Variants in NR2F1-AS1 observed in about 807,000 individuals in gnomAD.
NR2F1-AS1 encodes NR2F1 antisense RNA 1.
chr5:93,543,666 A>T (rs1752008538), intron 4 of NR2F1-AS1: 1 of 152,198 alleles, frequency 6.6e-6, no homozygotes. Context: ...AAGCAAACTC[A>T]TATTTTATCA....
intron 4 of NR2F1-AS1, among the ~76,000 whole-genome samples, chr5:93,528,047 G>C (rs1041943403): frequency 1.3e-5 from 2 of 152,156 alleles, no homozygotes; most frequent in Non-Finnish European, 2.9e-5. Flanking sequence ...ACTATCATCA[G>C]AGTTAACAGG....
intron 4 of NR2F1-AS1, among the ~76,000 whole-genome samples, chr5:93,483,168 C>T (rs1000391404): frequency 2.0e-5 from 3 of 152,130 alleles, no homozygotes; most frequent in Non-Finnish European, 4.4e-5. Context: ...TATCTCCCAG[C>T]AAGGGTCGAC....
chr5:93,512,485 T>A (rs1208098599), intron 4 of NR2F1-AS1, among the ~76,000 whole-genome samples: 9 of 152,172 alleles, frequency 5.9e-5, no homozygotes, highest in Non-Finnish European at 1.0e-4. Context: ...GGTTAATTTA[T>A]TTTTGAAGGA....
intron 4 of NR2F1-AS1, among the ~76,000 whole-genome samples, chr5:93,539,240 T>G (rs1205290380): frequency 1.3e-5 from 2 of 152,158 alleles, no homozygotes; most frequent in Admixed American, 1.3e-4. Flanking sequence ...ATTGCGCCTC[T>G]GCACTCCAGC....
At chr5:93,512,757 T>C (rs922296669) in intron 4 of NR2F1-AS1, among the ~76,000 whole-genome samples, 5 of 152,216 alleles carry the variant, frequency 3.3e-5, no homozygotes, top group Admixed American at 6.6e-5. Flanking sequence ...GTTACAAGTG[T>C]CTACAGTACT....
intron 4 of NR2F1-AS1, among the ~76,000 whole-genome samples, chr5:93,537,398 AAAATATTTGCAT>A (rs546339571): frequency 8.7e-4 from 132 of 152,318 alleles, no homozygotes; most frequent in Middle Eastern, 6.8e-3. Flanking sequence ...AGAATAGGAG[AAAATATTTGCAT>A]ATTGTACCTC....
intron 4 of NR2F1-AS1, among the ~76,000 whole-genome samples, chr5:93,550,993 G>A (rs964673551): frequency 2.7e-5 from 4 of 150,664 alleles, no homozygotes; most frequent in African/African-American, 9.7e-5. Flanking sequence ...TTCTTATTTC[G>A]TTATGTGACT....
intron 4 of NR2F1-AS1, among the ~76,000 whole-genome samples, chr5:93,433,308 C>T (rs1259082127): frequency 1.3e-5 from 2 of 152,176 alleles, no homozygotes; most frequent in East Asian, 1.9e-4. Context: ...AATCTATATG[C>T]TATTTACATG....
At chr5:93,511,570 A>G (rs1320866067) in intron 4 of NR2F1-AS1, among the ~76,000 whole-genome samples, 2 of 152,168 alleles carry the variant, frequency 1.3e-5, no homozygotes, top group African/African-American at 2.4e-5. Context: ...AAAAATTCCA[A>G]TTGCCTAGTG....
intron 4 of NR2F1-AS1, among the ~76,000 whole-genome samples, chr5:93,438,115 G>A (rs758783720): frequency 6.6e-6 from 1 of 152,142 alleles, no homozygotes; most frequent in Non-Finnish European, 1.5e-5. Context: ...GAGGACACAG[G>A]TCCACCGTGT....
At chr5:93,480,593 G>A (rs780550656) in intron 4 of NR2F1-AS1, among the ~76,000 whole-genome samples, 1 of 152,072 alleles carries the variant, frequency 6.6e-6, no homozygotes, top group African/African-American at 2.4e-5. Context: ...ATAGGTAAAT[G>A]TAAAACCTAG....
At chr5:93,533,966 C>A (rs1751785112) in intron 4 of NR2F1-AS1, among the ~76,000 whole-genome samples, 1 of 152,060 alleles carries the variant, frequency 6.6e-6, no homozygotes, top group Non-Finnish European at 1.5e-5. Context: ...GTCTGAAATC[C>A]CAGCTACTTG....
At chr5:93,582,387 AAATT>A (rs1179314645), upstream of NR2F1-AS1, among the ~76,000 whole-genome samples, 30 of 152,158 alleles carry the variant, frequency 2.0e-4, no homozygotes, top group African/African-American at 6.8e-4. Context: ...CAATAGCTGC[AAATT>A]CCAGGAGTGT....
chr5:93,491,122 G>C (rs1171133308), intron 4 of NR2F1-AS1, among the ~76,000 whole-genome samples: 1 of 151,640 alleles, frequency 6.6e-6, no homozygotes, highest in African/African-American at 2.4e-5. Context: ...TGAGAGTGGT[G>C]GTGGTGGTAG....
At chr5:93,535,214 T>C (rs1328410506) in intron 4 of NR2F1-AS1, among the ~76,000 whole-genome samples, 1 of 151,658 alleles carries the variant, frequency 6.6e-6, no homozygotes, top group Non-Finnish European at 1.5e-5. Flanking sequence ...AGCTCTCTCT[T>C]TGGTCATGTC....
intron 4 of NR2F1-AS1, among the ~76,000 whole-genome samples, chr5:93,505,575 T>C (rs1414838923): frequency 6.6e-6 from 1 of 152,194 alleles, no homozygotes; most frequent in Non-Finnish European, 1.5e-5. Flanking sequence ...AGGCAGAGGT[T>C]TCCAAACCTC....
At chr5:93,470,279 TTCATA>T (rs1447272454) in intron 4 of NR2F1-AS1, among the ~76,000 whole-genome samples, 1 of 151,974 alleles carries the variant, frequency 6.6e-6, no homozygotes, top group Admixed American at 6.6e-5. Context: ...TACTTTTCCT[TTCATA>T]TGTCTTTTGT....
At chr5:93,441,272 T>A (rs1749562821) in intron 4 of NR2F1-AS1, among the ~76,000 whole-genome samples, 2 of 152,216 alleles carry the variant, frequency 1.3e-5, no homozygotes. Context: ...CCCACTATCC[T>A]TTCCAAAGAC....
chr5:93,479,227 A>C (rs970040316), intron 4 of NR2F1-AS1, among the ~76,000 whole-genome samples: 1 of 152,272 alleles, frequency 6.6e-6, no homozygotes. Context: ...TTGAAAAAAA[A>C]ATTGGGTTTC....
Sources: allele counts gnomAD v4.1 joint callset (sites outside exome capture counted in the v4.1 genomes callset), GRCh38; gene constraint gnomAD v4.1.1; transcripts MANE v1.5; gene names NCBI Gene and HGNC (gene_info 2026-07-23, HGNC 2026-07-21).